The following KIR3DL1 variants were observed in gnomAD, a reference collection of about 807,000 sequenced individuals.
KIR3DL1 encodes killer cell immunoglobulin-like receptor 3DL1.
In KIR3DL1, 50 loss-of-function variants were observed where a neutral mutation model predicts 40.3. The observed-to-expected ratio is 1.24, with a 90% confidence interval of 0.99 to 1.57. The LOEUF is 1.57. Ranked by LOEUF, KIR3DL1 falls within the 40% of genes most tolerant of loss-of-function variation. The probability of loss-of-function intolerance (pLI) is 0.00; values close to 1 mark genes in which losing one functional copy is unlikely to be tolerated. For missense variants in KIR3DL1, 661 were observed against 559.9 expected, an observed-to-expected ratio of 1.18 and a Z score of -1.82; for synonymous variants, 257 against 207.2, an observed-to-expected ratio of 1.24 and a Z score of -2.07.
chr19:54,821,479 G>A (rs917826033), intron 4 of KIR3DL1, 86 bp from the exon 5 acceptor site: 5 of 1,445,758 alleles, frequency 3.5e-6, no homozygotes, highest in East Asian at 2.3e-5. Context: ...AGGTCATAGA[G>A]CAGGGGAGTG....
At chr19:54,826,208 A>G (rs2061880091) in intron 6 of KIR3DL1, among the ~76,000 whole-genome samples, 1 of 150,364 alleles carries the variant, frequency 6.7e-6, no homozygotes, top group South Asian at 2.1e-4. Context: ...CTCTTGGGAC[A>G]CTGATATTGC....
At chr19:54,820,414 G>A (rs2061576218) in intron 4 of KIR3DL1, among the ~76,000 whole-genome samples, 1 of 151,484 alleles carries the variant, frequency 6.6e-6, no homozygotes, top group Non-Finnish European at 1.5e-5. Context: ...GACCTGAGTT[G>A]GGCCCTGTGG....
At chr19:54,819,860 T>G in exon 4 of KIR3DL1, 2 of 1,612,198 alleles carry the variant, frequency 1.2e-6, no homozygotes, top group Non-Finnish European at 1.7e-6. Context: ...TCACGCCTCG[T>G]TGGACAGATC....
At chr19:54,822,086 C>T (rs1429895357) in intron 5 of KIR3DL1, among the ~76,000 whole-genome samples, 1 of 150,858 alleles carries the variant, frequency 6.6e-6, no homozygotes, top group Non-Finnish European at 1.5e-5. Context: ...ATGGAGAAAG[C>T]GGTCAGGACA....
intron 2 of KIR3DL1, among the ~76,000 whole-genome samples, chr19:54,817,919 G>A (rs2061430272): frequency 7.0e-6 from 1 of 143,562 alleles, no homozygotes; most frequent in Admixed American, 7.0e-5. Flanking sequence ...CTGCAGTGTG[G>A]CTGCGGTCTT....
chr19:54,824,708 T>C lies in KIR3DL1; in HGVS notation c.950-320T>C, dbSNP rs2061797502. Among the ~76,000 whole-genome samples, 4 of 150,890 alleles carry C rather than the reference T, an allele frequency of 2.7e-5. No homozygotes were observed. The South Asian group carries it at 8.5e-4, about 32-fold the overall frequency. ...CACAAAAAAAGCCATTGGATGTAAA[T>C]GCATGGATTATATCTGTGTTCTCCA... is the stretch of plus-strand genomic sequence containing the variant. On this transcript the variant is annotated intron_variant, in intron 5 of 8. Coordinates refer to ENST00000391728, the Ensembl canonical transcript of KIR3DL1.
chr19:54,830,297 G>A (rs2062156013), exon 9 of KIR3DL1: 3 of 1,520,246 alleles, frequency 2.0e-6, no homozygotes, highest in African/African-American at 1.4e-5. Context: ...AGGCCTTGAG[G>A]ACGTCTTCTA....
chr19:54,827,747 C>G (rs376904102), intron 6 of KIR3DL1, among the ~76,000 whole-genome samples: 8 of 150,134 alleles, frequency 5.3e-5, no homozygotes, highest in South Asian at 2.1e-4. Context: ...ATTAGGCAAT[C>G]AGCCTAAAAC....
rs45535343 is a variant in KIR3DL1, at chr19:54,829,549, G to A, written c.1105+84G>A. The A allele has an allele frequency of 4.7e-3, 5,201 of 1,099,766 alleles. 132 individuals carry two copies. Among genetic ancestry groups the A allele is most frequent in the South Asian group, 7.5e-3 (486 of 64,772 alleles). 68.1% of individuals were successfully genotyped at this position (1,099,766 alleles called of 1,614,324 possible). On this transcript the variant is annotated intron_variant, in intron 7 of 8. Transcript: ENST00000391728. ...AGCACACAGCTGTGTGTTCCTCACT[G>A]GCAGGATGGTCCCTGGCCCAAGACA...
At chr19:54,828,789 T>C (rs1483280413) in intron 6 of KIR3DL1, among the ~76,000 whole-genome samples, 24 of 138,800 alleles carry the variant, frequency 1.7e-4, no homozygotes, top group South Asian at 5.2e-4. Context: ...AAGAAGAGAT[T>C]GGTTTGCCTC....
intron 5 of KIR3DL1, among the ~76,000 whole-genome samples, chr19:54,824,700 G>A (rs563119593): frequency 8.0e-5 from 12 of 150,874 alleles, no homozygotes; most frequent in African/African-American, 2.9e-4. Context: ...AAAGCCATTG[G>A]ATGTAAATGC....
chr19:54,824,685 C>G (rs182558245), intron 5 of KIR3DL1, among the ~76,000 whole-genome samples: 1 of 101,604 alleles, frequency 9.8e-6, no homozygotes, highest in Non-Finnish European at 2.2e-5. Flanking sequence ...CACACACACA[C>G]AAAAAAAGCC....
At chr19:54,818,547 C>G (rs760868943) in exon 3 of KIR3DL1, 7 of 1,611,690 alleles carry the variant, frequency 4.3e-6, no homozygotes, top group South Asian at 3.3e-5. Flanking sequence ...CACACCCACA[C>G]TCCCCCACTG....
intron 5 of KIR3DL1, among the ~76,000 whole-genome samples, chr19:54,822,557 G>A (rs2061692649): frequency 6.7e-6 from 1 of 150,014 alleles, no homozygotes; most frequent in South Asian, 2.1e-4. Flanking sequence ...AAACCCAGGA[G>A]GCAGAGGTTG....
At chr19:54,817,706 C>A in intron 2 of KIR3DL1, 137 bp downstream of exon 2, 4 of 705,480 alleles carry the variant, frequency 5.7e-6, no homozygotes, top group Non-Finnish European at 9.3e-6. Flanking sequence ...ACATTTCTGA[C>A]CTTGCCTTCC....
chr19:54,825,526 C>T (rs62124134), intron 6 of KIR3DL1, among the ~76,000 whole-genome samples: 44,569 of 146,728 alleles, frequency 0.3, 7,316 homozygotes, highest in Non-Finnish European at 0.34. Flanking sequence ...CTTGCCGTAA[C>T]AGAGAACAGA....
rs1601285861 is a variant in KIR3DL1, at chr19:54,816,686, T to C, written c.34+152T>C. 5.5e-5 allele frequency: 72 copies of C among 1,300,888 alleles called. 1 individual carries two copies. The South Asian group carries it at 8.6e-4, about 16-fold the overall frequency. The allele number at this position is 1,300,888 out of a possible 1,614,324, so 80.6% of individuals were successfully genotyped here. On this transcript the variant is annotated intron_variant, in intron 1 of 8. Transcript: ENST00000391728. ...TGGGCCTGGAGTGGAGATCTGGGCCTGGAGTGGAGATAGGGGCCTGGGGTG... is the reference window on the plus strand; with the variant it reads ...TGGGCCTGGAGTGGAGATCTGGGCCCGGAGTGGAGATAGGGGCCTGGGGTG...
intron 6 of KIR3DL1, among the ~76,000 whole-genome samples, chr19:54,828,082 G>A (rs1435166155): frequency 6.6e-6 from 1 of 150,668 alleles, no homozygotes; most frequent in Non-Finnish European, 1.5e-5. Flanking sequence ...AGTCGAGGGG[G>A]TGGTCCTTCC....
chr19:54,816,475 A>G (rs34583400), exon 1 of KIR3DL1: 444,106 of 1,433,216 alleles, frequency 0.31, 89,199 homozygotes, highest in African/African-American at 0.64. Flanking sequence ...GCTGGGGCGC[A>G]GCCGCCTGTC....
Sources: gnomAD v4.1 joint callset for allele counts (sites outside exome capture counted in the v4.1 genomes callset) on GRCh38, gnomAD v4.1.1 for gene constraint, MANE v1.5 for transcripts, NCBI Gene and HGNC (gene_info 2026-07-23, HGNC 2026-07-21) for gene names.